The following ZBP1 variants were observed in gnomAD, a reference collection of about 807,000 sequenced individuals.
The protein encoded by ZBP1 is Z-DNA binding protein 1.
A neutral mutation model predicts 41.1 loss-of-function variants in ZBP1; 42 were observed. The ratio of observed to expected loss-of-function variants is 1.02; its 90% CI spans 0.80 to 1.32. The LOEUF is 1.32. Among genes scored for constraint, ZBP1 ranks in the 40% most tolerant of loss-of-function variants. The pLI, the probability that ZBP1 is intolerant of heterozygous loss-of-function variation, is 0.00. For synonymous variants in ZBP1, 214 were observed against 205.2 expected, an observed-to-expected ratio of 1.04 and a Z score of -0.37; for missense variants, 562 against 549.7, an observed-to-expected ratio of 1.02 and a Z score of -0.22.
chr20:57,619,568 G>A (rs1178839971), intron 1 of ZBP1, among the ~76,000 whole-genome samples: 2 of 152,164 alleles, frequency 1.3e-5, no homozygotes, highest in African/African-American at 4.8e-5. Flanking sequence ...GCAACAAGGG[G>A]GAACAAAGGC....
chr20:57,609,506 A>G (rs890404186), intron 7 of ZBP1, among the ~76,000 whole-genome samples: 8 of 151,938 alleles, frequency 5.3e-5, no homozygotes, highest in Non-Finnish European at 1.0e-4. Flanking sequence ...TTGGTCAAAG[A>G]CAACAGCGGC....
At position 57,613,101 on chromosome 20, in the gene ZBP1, A is replaced by G; in HGVS notation, c.670+62T>C. On this transcript the variant is annotated intron_variant, in intron 5 of 7. Transcript: ENST00000371173. This position sits in a 1 kb window ranked among gnomAD's most constrained non-coding sequence, Gnocchi z 4.5. ...CTCCCCATCCCTACCCTTTGCCCCC[A>G]CCCAGAGGATCCGGTGGCTCCCCAC... The G allele has an allele frequency of 1.9e-6, 3 of 1,601,788 alleles. No individual in the cohort carries two copies. Among genetic ancestry groups the G allele is most frequent in the Non-Finnish European group, 1.7e-6 (2 of 1,173,850 alleles).
At position 57,604,016 on chromosome 20, in the gene ZBP1, C is replaced by T. The variant is rs533273550; in HGVS notation, c.*557G>A. On this transcript the variant is annotated 3_prime_UTR_variant, in exon 8 of 8. Coordinates refer to ENST00000371173, the MANE Select transcript of ZBP1 (RefSeq NM_030776.3). The stretch of plus-strand genomic sequence containing the variant: ...CGGAGTAGCTGGGACTCCAGGTGCC[C>T]GCCACAACGCCCGGCTAATTTTTTG... 2.8e-4 allele frequency: 57 copies of T among 200,722 alleles called. No homozygotes were observed. The highest frequency in any genetic ancestry group is 1.2e-3 in the African/African-American group (51 of 42,182). The allele number at this position is 200,722 out of a possible 1,614,324, so 12.4% of individuals were successfully genotyped here.
Position 57,610,258 on chromosome 20 carries a change from A to C in ZBP1, c.984T>G (p.Phe328Leu). 1 of 1,614,070 alleles carries C rather than the reference A, an allele frequency of 6.2e-7. No homozygotes were observed. The highest frequency in any genetic ancestry group is 8.5e-7 in the Non-Finnish European group (1 of 1,180,006). Residue 328 changes from phenylalanine (F) to leucine (L), a missense_variant, in exon 7 of 8, where the codon TTT (phenylalanine) becomes TTG (leucine). Phe to Leu is a conservative substitution (Grantham distance 22). Coordinates refer to ENST00000371173, the MANE Select transcript of ZBP1 (RefSeq NM_030776.3). This position sits in a 1 kb window ranked among gnomAD's most constrained non-coding sequence, Gnocchi z 5.5. ...AAQRIHMKSC[F>L]LEDATIGNSN... is the part of the protein sequence containing the mutation. ...TGTTGCCGATGGTGGCGTCCTCGAG[A>C]AAGCACGATTTCATGTGGATTCTCT...
chr20:57,610,285 G>C lies in ZBP1; in HGVS notation c.957C>G (p.Ala319=), dbSNP rs375954549. Reference sequence around the variant, plus strand: ...AGCACGATTTCATGTGGATTCTCTGGGCGGCTTCCCCCTCAGGGTGAGTTC... The same window carrying C: ...AGCACGATTTCATGTGGATTCTCTGCGCGGCTTCCCCCTCAGGGTGAGTTC... ...SPGTHPEGEA[A]QRIHMKSCFL... Residue 319 remains alanine (A), a synonymous_variant, in exon 7 of 8, where the codon GCC becomes GCG. Coordinates refer to ENST00000371173, the MANE Select transcript of ZBP1 (RefSeq NM_030776.3). The surrounding 1 kb of genome is among the most constrained non-coding windows in gnomAD (Gnocchi z 5.5). 89 of 1,614,022 alleles carry C rather than the reference G, an allele frequency of 5.5e-5. No homozygotes were observed. The highest frequency in any genetic ancestry group is 7.1e-5 in the Non-Finnish European group (84 of 1,180,020).
In ZBP1 at chr20:57,603,954, A is replaced by G. The variant is rs890467659; in HGVS notation, c.*619T>C. 6.8e-4 allele frequency: 115 copies of G among 168,078 alleles called. No homozygotes were observed. Among genetic ancestry groups the G allele is most frequent in the Non-Finnish European group, 1.1e-3 (89 of 78,824 alleles). 10.4% of individuals were successfully genotyped at this position (168,078 alleles called of 1,614,324 possible). ...GCGATCTCGGCTCACTGGAAGCTCC[A>G]CCTCCCGGGTTCACACCATTCTCCT... On this transcript the variant is annotated 3_prime_UTR_variant, in exon 8 of 8. Coordinates refer to ENST00000371173, the MANE Select transcript of ZBP1 (RefSeq NM_030776.3). The surrounding 1 kb of genome is among the most constrained non-coding windows in gnomAD (Gnocchi z 4.6).
chr20:57,610,516 A>C lies in ZBP1; in HGVS notation c.875-149T>G. 8 of 721,806 alleles carry C rather than the reference A, an allele frequency of 1.1e-5. No individual in the cohort carries two copies. Among genetic ancestry groups the C allele is most frequent in the Admixed American group, 5.2e-5 (2 of 38,826 alleles). 44.7% of individuals were successfully genotyped at this position (721,806 alleles called of 1,614,324 possible). A position where few individuals can be genotyped will look rare whatever the true frequency, so the allele number is the denominator to read the frequency against. On this transcript the variant is annotated intron_variant, in intron 6 of 7. Transcript: ENST00000371173. The surrounding 1 kb of genome is among the most constrained non-coding windows in gnomAD (Gnocchi z 5.5). ...AGCACAGCCTGTGCCTGCCCGCCAC[A>C]CCTCCACCCGCCACACCTCCGCTCG...
intron 1 of ZBP1, among the ~76,000 whole-genome samples, chr20:57,618,291 C>T (rs1245022124): frequency 6.6e-6 from 1 of 152,236 alleles, no homozygotes; most frequent in Non-Finnish European, 1.5e-5. Context: ...CCTGAGTTCC[C>T]CTTCCAGGAC....
chr20:57,606,047 G>A (rs956672509), intron 7 of ZBP1, among the ~76,000 whole-genome samples: 4 of 152,232 alleles, frequency 2.6e-5, no homozygotes, highest in Non-Finnish European at 4.4e-5. Flanking sequence ...GATTAAGCTT[G>A]GTGAGGGAGG....
rs558741091 is a variant in ZBP1 at position 57,610,382 on chromosome 20, G to A, written c.875-15C>T. 5 of 1,613,732 alleles carry A rather than the reference G, an allele frequency of 3.1e-6. No individual in the cohort carries two copies. In the South Asian group the frequency reaches 5.5e-5, roughly 18 times the overall value. On this transcript the variant is annotated splice_polypyrimidine_tract_variant and intron_variant, in intron 6 of 7. Coordinates refer to ENST00000371173, the MANE Select transcript of ZBP1 (RefSeq NM_030776.3). The surrounding 1 kb of genome is among the most constrained non-coding windows in gnomAD (Gnocchi z 5.5). ...AGTGGCAGAGACTGTGGGTCAAAGG[G>A]AGAGAGGCCTGGAGCCAGGAGCAGC...
chr20:57,604,363 C>A lies in ZBP1; in HGVS notation c.*210G>T, dbSNP rs748985643. On this transcript the variant is annotated 3_prime_UTR_variant, in exon 8 of 8. Transcript: ENST00000371173. ...TTGGCACACCAAAGGTTCCCCAAGGCAACTCCCTGTCATCTACTCCTGGCC... is the reference window on the plus strand; with the variant it reads ...TTGGCACACCAAAGGTTCCCCAAGGAAACTCCCTGTCATCTACTCCTGGCC... 1.4e-6 allele frequency: 1 copy of A among 701,942 alleles called. No homozygotes were observed. Among genetic ancestry groups the A allele is most frequent in the South Asian group, 1.5e-5 (1 of 67,074 alleles). The allele number at this position is 701,942 out of a possible 1,614,324, so 43.5% of individuals were successfully genotyped here. A position where few individuals can be genotyped will look rare whatever the true frequency, so the allele number is the denominator to read the frequency against.
intron 3 of ZBP1, 71 bp from the exon 4 acceptor site, chr20:57,615,131 T>G: frequency 6.5e-7 from 1 of 1,534,098 alleles, no homozygotes; most frequent in Non-Finnish European, 9.0e-7. Context: ...GCTTCCTAGC[T>G]GTGTGGCCCT....
At chr20:57,608,722 G>A (rs537023865) in intron 7 of ZBP1, among the ~76,000 whole-genome samples, 82 of 152,232 alleles carry the variant, frequency 5.4e-4, no homozygotes, top group Non-Finnish European at 1.0e-3. Context: ...CAGGGGTCCT[G>A]GAGGGAGAGT....
At position 57,604,770 on chromosome 20, in the gene ZBP1, C is replaced by T; in HGVS notation, c.1094-1G>A. ...GATTGTGTGTCTGCGGGACGACGACCTAGGGAAGAGAAGATGGGGGATCAG... is the reference window on the plus strand; with the variant it reads ...GATTGTGTGTCTGCGGGACGACGACTTAGGGAAGAGAAGATGGGGGATCAG... On this transcript the variant is annotated splice_acceptor_variant, in intron 7 of 7. Coordinates refer to ENST00000371173, the MANE Select transcript of ZBP1 (RefSeq NM_030776.3). LOFTEE classifies it high-confidence loss of function. 1 of 1,611,710 alleles carries T rather than the reference C, an allele frequency of 6.2e-7. No individual in the cohort carries two copies. Among genetic ancestry groups the T allele is most frequent in the Non-Finnish European group, 8.5e-7 (1 of 1,178,350 alleles).
intron 7 of ZBP1, among the ~76,000 whole-genome samples, chr20:57,608,585 C>A (rs118010153): frequency 0.019 from 2,949 of 152,372 alleles, 51 homozygotes; most frequent in South Asian, 0.034. Flanking sequence ...CCCCAGTGGC[C>A]TTGGAGGTCT....
At position 57,605,184 on chromosome 20, in the gene ZBP1, C is replaced by T. The variant is rs117655647; in HGVS notation, c.1094-415G>A. On this transcript the variant is annotated intron_variant, in intron 7 of 7. Transcript: ENST00000371173. ...ACACATCTCAGGATAAGGTCCCGCC[C>T]GCCACTCAAGGAGGAAGTGACAGGC... Among the ~76,000 whole-genome samples, 42 of 152,302 alleles carry T rather than the reference C, an allele frequency of 2.8e-4. No homozygotes were observed. In the East Asian group the frequency reaches 7.5e-3, roughly 27 times the overall value.
rs2865395 is a variant in ZBP1 at position 57,613,933 on chromosome 20, A to G, written c.503-603T>C. ...TGTGCGGGGCCCATCACCACCCTCC[A>G]GGGTCTCAGCTCCTGTGCCTTTGTG... On this transcript the variant is annotated intron_variant, in intron 4 of 7. Coordinates refer to ENST00000371173, the MANE Select transcript of ZBP1 (RefSeq NM_030776.3). This position sits in a 1 kb window ranked among gnomAD's most constrained non-coding sequence, Gnocchi z 4.5. 0.87 allele frequency among the ~76,000 whole-genome samples: 132,133 copies of G among 152,284 alleles called. 57,489 individuals carry two copies. The highest frequency in any genetic ancestry group is 0.99 in the East Asian group (5,126 of 5,176).
At position 57,606,006 on chromosome 20, in the gene ZBP1, C is replaced by T. The variant is rs150749459; in HGVS notation, c.1094-1237G>A. Among the ~76,000 whole-genome samples, 261 of 151,800 alleles carry T rather than the reference C, an allele frequency of 1.7e-3. 2 individuals carry two copies. The East Asian group carries it at 0.029, about 17-fold the overall frequency. ...TGCTAAAGTGAAAGGAAGAGTTGCACGTCTCTCACTTTAAATCAAAAGTGA... is the reference window on the plus strand; with the variant it reads ...TGCTAAAGTGAAAGGAAGAGTTGCATGTCTCTCACTTTAAATCAAAAGTGA... On this transcript the variant is annotated intron_variant, in intron 7 of 7. Coordinates refer to ENST00000371173, the MANE Select transcript of ZBP1 (RefSeq NM_030776.3).
At chr20:57,615,707 GTTCAACACACTTGAC>G in intron 2 of ZBP1, 127 bp from the exon 3 acceptor site, 1 of 732,420 alleles carries the variant, frequency 1.4e-6, no homozygotes, top group Non-Finnish European at 2.2e-6. Flanking sequence ...AGACTCCAGA[GTTCAACACACTTGAC>G]TTCAAATCCT....
Sources: allele counts gnomAD v4.1 joint callset (sites outside exome capture counted in the v4.1 genomes callset), GRCh38; gene constraint gnomAD v4.1.1; non-coding constraint Gnocchi (gnomAD v3.1); transcripts MANE v1.5; gene names NCBI Gene and HGNC (gene_info 2026-07-23, HGNC 2026-07-21).